IL1RAPL2: variants seen among roughly 807,000 people sequenced by gnomAD.
IL1RAPL2 encodes the protein interleukin 1 receptor accessory protein like 2.
Under a neutral mutation model 44.1 loss-of-function variants are expected in IL1RAPL2, and 3 were observed. The observed-to-expected ratio is 0.07, with a 90% CI of 0.03 to 0.18. The LOEUF (loss-of-function observed/expected upper bound fraction) is 0.18, where lower values mean the gene tolerates loss of function less well. Ranked by LOEUF, IL1RAPL2 falls within the 10% of genes least tolerant of loss-of-function variation. The probability of loss-of-function intolerance (pLI) is 1.00; values close to 1 mark genes in which losing one functional copy is unlikely to be tolerated. For missense variants in IL1RAPL2, 391 were observed against 496.4 expected (o/e 0.79, Z 2.02); for synonymous variants, 181 against 178.8 (o/e 1.01, Z -0.10).
intron 2 of IL1RAPL2, among the ~76,000 whole-genome samples, chrX:105,178,306 A>G (rs1432549350): frequency 2.7e-5 from 3 of 111,995 alleles, no homozygotes; most frequent in Non-Finnish European, 3.8e-5. Flanking sequence ...ACAGGATTTC[A>G]TTCCTTTTTA....
intron 5 of IL1RAPL2, among the ~76,000 whole-genome samples, chrX:105,290,533 T>G (rs2034604861): frequency 8.9e-6 from 1 of 111,806 alleles, no homozygotes; most frequent in Admixed American, 9.5e-5. Context: ...GATTGTAATT[T>G]ATCAAGTGGA....
At chrX:105,404,980 T>C (rs926594054) in intron 5 of IL1RAPL2, among the ~76,000 whole-genome samples, 2 of 112,014 alleles carry the variant, frequency 1.8e-5, no homozygotes, top group Non-Finnish European at 3.8e-5. Context: ...TTGTATGTTT[T>C]GAAACATTCT....
intron 6 of IL1RAPL2, among the ~76,000 whole-genome samples, chrX:105,546,906 T>C (rs182684287): frequency 8.9e-6 from 1 of 112,409 alleles, no homozygotes; most frequent in Non-Finnish European, 1.9e-5. Flanking sequence ...CGTATGGTCC[T>C]AAAATGGCTT....
chrX:104,687,372 G>T (rs921408748), intron 2 of IL1RAPL2, among the ~76,000 whole-genome samples: 8 of 111,124 alleles, frequency 7.2e-5, no homozygotes, highest in South Asian at 3.9e-4. Context: ...AGAAAGGAGT[G>T]GGGGGAGGTG....
intron 6 of IL1RAPL2, among the ~76,000 whole-genome samples, chrX:105,610,797 A>G (rs1163382906): frequency 1.8e-5 from 2 of 112,223 alleles, no homozygotes; most frequent in African/African-American, 6.5e-5. Flanking sequence ...AATGATAATA[A>G]ACAACTATGT....
intron 2 of IL1RAPL2, among the ~76,000 whole-genome samples, chrX:104,936,895 C>T (rs922210688): frequency 1.2e-4 from 13 of 111,197 alleles, no homozygotes; most frequent in East Asian, 8.6e-4. Flanking sequence ...CATGAGCCAC[C>T]GCACCCAACC....
chrX:104,933,481 C>T (rs1290524426), intron 2 of IL1RAPL2, among the ~76,000 whole-genome samples: 1 of 111,457 alleles, frequency 9.0e-6, no homozygotes, highest in Non-Finnish European at 1.9e-5. Context: ...AGCACTACTA[C>T]TTCCAGCAAA....
At chrX:105,213,348 C>T (rs1240262913) in intron 3 of IL1RAPL2, among the ~76,000 whole-genome samples, 1 of 107,686 alleles carries the variant, frequency 9.3e-6, no homozygotes, top group African/African-American at 3.4e-5. Context: ...TATCAATAGC[C>T]AAACTGATCA....
chrX:105,076,160 C>G (rs1393729148), intron 2 of IL1RAPL2, among the ~76,000 whole-genome samples: 5 of 110,654 alleles, frequency 4.5e-5, no homozygotes, highest in South Asian at 3.9e-4. Flanking sequence ...GATCTTTCCT[C>G]CTTTCTCTTG....
intron 6 of IL1RAPL2, among the ~76,000 whole-genome samples, chrX:105,622,965 T>C (rs897801735): frequency 2.7e-5 from 3 of 111,084 alleles, no homozygotes; most frequent in African/African-American, 9.8e-5. Context: ...CCTTCTGTCT[T>C]TGTGACTACA....
At chrX:105,762,630 G>C (rs1367257646) in intron 10 of IL1RAPL2, among the ~76,000 whole-genome samples, 1 of 111,866 alleles carries the variant, frequency 8.9e-6, no homozygotes, top group East Asian at 2.8e-4. Context: ...CTGTGGTTTC[G>C]CAGACTGGTC....
At chrX:105,328,115 C>A (rs1475203693) in intron 5 of IL1RAPL2, among the ~76,000 whole-genome samples, 1 of 111,296 alleles carries the variant, frequency 9.0e-6, no homozygotes, top group Non-Finnish European at 1.9e-5. Context: ...ATCAATGTTA[C>A]AACTATGAAA....
intron 2 of IL1RAPL2, among the ~76,000 whole-genome samples, chrX:105,059,808 T>C (rs2032049501): frequency 8.9e-6 from 1 of 112,176 alleles, no homozygotes; most frequent in Admixed American, 9.4e-5. Flanking sequence ...GGATTACAGG[T>C]GTGAGGCACC....
intron 6 of IL1RAPL2, among the ~76,000 whole-genome samples, chrX:105,501,875 T>A (rs1189494880): frequency 8.9e-6 from 1 of 111,786 alleles, no homozygotes; most frequent in African/African-American, 3.3e-5. Flanking sequence ...TGTGGAGGGT[T>A]GCAATGTTGT....
intron 2 of IL1RAPL2, among the ~76,000 whole-genome samples, chrX:104,907,040 T>C (rs1406247970): frequency 9.0e-6 from 1 of 110,949 alleles, no homozygotes; most frequent in Non-Finnish European, 1.9e-5. Flanking sequence ...GGAGAGTGTA[T>C]GTGTTGAGGA....
chrX:105,457,852 G>A (rs1040894263), intron 5 of IL1RAPL2, among the ~76,000 whole-genome samples: 2 of 110,255 alleles, frequency 1.8e-5, no homozygotes, highest in Non-Finnish European at 3.8e-5. Flanking sequence ...GAATTACTGG[G>A]TCATATGGTA....
chrX:104,832,298 A>G (rs1307218325), intron 2 of IL1RAPL2, among the ~76,000 whole-genome samples: 4 of 111,555 alleles, frequency 3.6e-5, no homozygotes, highest in Non-Finnish European at 7.5e-5. Flanking sequence ...ATAATCATAT[A>G]TAATTATGGG....
chrX:104,693,393 G>A (rs899339705), intron 2 of IL1RAPL2, among the ~76,000 whole-genome samples: 1 of 111,587 alleles, frequency 9.0e-6, no homozygotes, highest in Non-Finnish European at 1.9e-5. Context: ...ATCCACTTGA[G>A]GGACCAATAG....
chrX:105,254,206 C>A (rs2034296371), intron 4 of IL1RAPL2, among the ~76,000 whole-genome samples: 1 of 111,881 alleles, frequency 8.9e-6, no homozygotes, highest in Non-Finnish European at 1.9e-5. Flanking sequence ...ACAACCTCAC[C>A]AGCATCTGTT....
Sources: gnomAD v4.1 joint callset for allele counts (sites outside exome capture counted in the v4.1 genomes callset) on GRCh38, gnomAD v4.1.1 for gene constraint, MANE v1.5 for transcripts, NCBI Gene and HGNC (gene_info 2026-07-23, HGNC 2026-07-21) for gene names.